The following PDGFRA variants were observed in gnomAD, a reference collection of about 807,000 sequenced individuals.
PDGFRA encodes platelet-derived growth factor receptor alpha.
A neutral mutation model predicts 121.5 loss-of-function variants in PDGFRA; 25 were observed. That is an observed-to-expected ratio of 0.21 (90% CI 0.15 to 0.29). The LOEUF (loss-of-function observed/expected upper bound fraction) is 0.29. Among genes scored for constraint, PDGFRA ranks in the 10% least tolerant of loss-of-function variants. The pLI, the probability that PDGFRA is intolerant of heterozygous loss-of-function variation, is 1.00. For missense variants in PDGFRA, 1,008 were observed against 1,345.1 expected, an observed-to-expected ratio of 0.75 and a Z score of 3.92; for synonymous variants, 463 against 494.8, an observed-to-expected ratio of 0.94 and a Z score of 0.85.
intron 1 of PDGFRA, among the ~76,000 whole-genome samples, chr4:54,245,702 C>A (rs974762479): frequency 5.9e-5 from 9 of 152,146 alleles, no homozygotes; most frequent in African/African-American, 2.2e-4. Context: ...GGATCAAATT[C>A]ACACATAACA....
intron 5 of PDGFRA, 23 bp from the exon 6 acceptor site, chr4:54,267,266 G>A (rs1560472363): frequency 1.2e-6 from 2 of 1,613,654 alleles, no homozygotes; most frequent in Admixed American, 1.7e-5. Context: ...TTAAAAGTCG[G>A]TTTTCTTCCC....
At chr4:54,245,821 C>T (rs1366497483) in intron 1 of PDGFRA, among the ~76,000 whole-genome samples, 1 of 152,076 alleles carries the variant, frequency 6.6e-6, no homozygotes, top group Non-Finnish European at 1.5e-5. Flanking sequence ...GGAAACCCAT[C>T]TCACGTGCAG....
At chr4:54,269,566 A>T (rs1242150903) in intron 7 of PDGFRA, among the ~76,000 whole-genome samples, 1 of 150,552 alleles carries the variant, frequency 6.6e-6, no homozygotes, top group Admixed American at 6.6e-5. Context: ...CATGTAAAAT[A>T]TTTTTGGGGA....
chr4:54,295,390 T>C lies in PDGFRA; in HGVS notation c.*118T>C. The C allele has an allele frequency of 9.8e-7, 1 of 1,019,974 alleles. No individual in the cohort carries two copies. Among genetic ancestry groups the C allele is most frequent in the Non-Finnish European group, 1.5e-6 (1 of 661,194 alleles). The allele number at this position is 1,019,974 out of a possible 1,614,324, so 63.2% of individuals were successfully genotyped here. A position where few individuals can be genotyped will look rare whatever the true frequency, so the allele number is the denominator to read the frequency against. Reference sequence around the variant, plus strand: ...GACTTGGTTGATGTTTAAAGAGAAGTTCCCAGCCAAGGGCCTCGGGGAGCG... The same window carrying C: ...GACTTGGTTGATGTTTAAAGAGAAGCTCCCAGCCAAGGGCCTCGGGGAGCG... On this transcript the variant is annotated 3_prime_UTR_variant, in exon 23 of 23. Coordinates refer to ENST00000257290, the MANE Select transcript of PDGFRA (RefSeq NM_006206.6).
intron 2 of PDGFRA, among the ~76,000 whole-genome samples, chr4:54,260,042 A>G (rs188838127): frequency 3.3e-5 from 5 of 152,246 alleles, no homozygotes; most frequent in African/African-American, 1.2e-4. Context: ...CACTTACTCT[A>G]TTGCAAAAGG....
At chr4:54,278,039 C>G (rs1185660486) in intron 14 of PDGFRA, 33 bp downstream of exon 14, 2 of 1,237,848 alleles carry the variant, frequency 1.6e-6, no homozygotes, top group Non-Finnish European at 2.4e-6. Context: ...AGGATTTTCA[C>G]TGGACACATG....
At chr4:54,290,039 A>C (rs1724547039) in intron 21 of PDGFRA, among the ~76,000 whole-genome samples, 1 of 152,208 alleles carries the variant, frequency 6.6e-6, no homozygotes, top group African/African-American at 2.4e-5. Context: ...CGTGATGGGG[A>C]CCAGAAGGAT....
chr4:54,230,272 CG>C lies in PDGFRA; in HGVS notation c.-13+862del, dbSNP rs1201194205. ...TGTGCTCGGGTTGCACGCCCTAGCG[CG>C]GGGGCGACAGCGGCGGCGCGGGCGG... On this transcript the variant is annotated intron_variant, in intron 1 of 22. Coordinates refer to ENST00000257290, the MANE Select transcript of PDGFRA (RefSeq NM_006206.6). 8 of 152,750 alleles carry C rather than the reference CG, an allele frequency of 5.2e-5. No homozygotes were observed. The East Asian group carries it at 1.4e-3, about 26-fold the overall frequency. 9.5% of individuals were successfully genotyped at this position (152,750 alleles called of 1,614,324 possible).
Position 54,274,087 on chromosome 4 carries a change from G to A in PDGFRA, c.1558+357G>A, listed in dbSNP as rs184991564. On this transcript the variant is annotated intron_variant, in intron 10 of 22. Transcript: ENST00000257290. The stretch of plus-strand genomic sequence containing the variant: ...CTTTGAATGTCTGTGTATGTGGATG[G>A]AGTGTGGGGAAGGATCTTCTGTCTC... Among the ~76,000 whole-genome samples, 450 of 152,324 alleles carry A rather than the reference G, an allele frequency of 3.0e-3. 3 individuals carry two copies. The highest frequency in any genetic ancestry group is 6.8e-3 in the Middle Eastern group (2 of 294).
At position 54,231,045 on chromosome 4, in the gene PDGFRA, C is replaced by T. The variant is rs552100064; in HGVS notation, c.-13+1630C>T. Among the ~76,000 whole-genome samples the T allele has an allele frequency of 2.0e-5, 3 of 152,216 alleles. No individual in the cohort carries two copies. The South Asian group carries it at 6.2e-4, about 31-fold the overall frequency. ...GTGCGAGAGCTGCCGATGGCCTGGC[C>T]TCGCGTCTTGGTCGGGAAGGACTTG... is the stretch of plus-strand genomic sequence containing the variant. On this transcript the variant is annotated intron_variant, in intron 1 of 22. Transcript: ENST00000257290.
chr4:54,277,311 C>T, intron 12 of PDGFRA, 77 bp from the exon 13 acceptor site: 1 of 961,672 alleles, frequency 1.0e-6, no homozygotes, highest in Non-Finnish European at 1.7e-6. Flanking sequence ...TGTCCGCCCG[C>T]AGAGAGCTGG....
At chr4:54,252,586 C>T (rs1722113992) in intron 1 of PDGFRA, among the ~76,000 whole-genome samples, 2 of 151,908 alleles carry the variant, frequency 1.3e-5, no homozygotes, top group African/African-American at 4.8e-5. Flanking sequence ...AGAACATTTG[C>T]TGCAGAAAAA....
At chr4:54,239,121 T>C (rs1268818594) in intron 1 of PDGFRA, among the ~76,000 whole-genome samples, 1 of 152,230 alleles carries the variant, frequency 6.6e-6, no homozygotes, top group Non-Finnish European at 1.5e-5. Flanking sequence ...TGCATTAGCA[T>C]GTTAAAAGAC....
intron 8 of PDGFRA, among the ~76,000 whole-genome samples, chr4:54,271,429 A>C (rs1229195856): frequency 6.6e-6 from 1 of 152,194 alleles, no homozygotes; most frequent in Non-Finnish European, 1.5e-5. Flanking sequence ...CATTTTGGTA[A>C]ATGCTGCTTT....
chr4:54,269,224 C>T (rs576480613), intron 7 of PDGFRA, among the ~76,000 whole-genome samples: 98 of 152,276 alleles, frequency 6.4e-4, no homozygotes, highest in African/African-American at 2.0e-3. Context: ...CTGCTGTCTT[C>T]GTAGGTCTGA....
rs1720781502 is a variant in PDGFRA at position 54,233,058 on chromosome 4, T to TC, written c.-13+3649dup. Among the ~76,000 whole-genome samples the TC allele has an allele frequency of 2.9e-5, 4 of 139,222 alleles. No homozygotes were observed. In the South Asian group the frequency reaches 1.0e-3, roughly 35 times the overall value. 91.3% of individuals were successfully genotyped at this position (139,222 alleles called of 152,430 possible). On this transcript the variant is annotated intron_variant, in intron 1 of 22. Coordinates refer to ENST00000257290, the MANE Select transcript of PDGFRA (RefSeq NM_006206.6). ...ACCCGCCCGGATTCTCTTCCCGCTC[T>TC]CCCCCCTCTCTCCACACCCGCCCGG...
chr4:54,253,117 G>A (rs1722146750), intron 1 of PDGFRA, among the ~76,000 whole-genome samples: 1 of 152,160 alleles, frequency 6.6e-6, no homozygotes, highest in African/African-American at 2.4e-5. Flanking sequence ...GGCTAAATCA[G>A]AGTTCAGATC....
intron 1 of PDGFRA, among the ~76,000 whole-genome samples, chr4:54,234,793 G>T (rs1720922230): frequency 6.6e-6 from 1 of 152,148 alleles, no homozygotes; most frequent in South Asian, 2.1e-4. Flanking sequence ...AACTGCTACT[G>T]CTACTCCTAA....
chr4:54,289,320 A>G (rs375734900), intron 21 of PDGFRA, among the ~76,000 whole-genome samples: 1 of 152,146 alleles, frequency 6.6e-6, no homozygotes, highest in African/African-American at 2.4e-5. Flanking sequence ...CTTTCCTTTC[A>G]TCTTATATGT....
Sources: allele counts gnomAD v4.1 joint callset (sites outside exome capture counted in the v4.1 genomes callset), GRCh38; gene constraint gnomAD v4.1.1; transcripts MANE v1.5; gene names NCBI Gene and HGNC (gene_info 2026-07-23, HGNC 2026-07-21).